The following TAF3 variants were observed in gnomAD, a reference collection of about 807,000 sequenced individuals.
TAF3 encodes transcription initiation factor TFIID subunit 3.
TAF3 carries 7 observed loss-of-function variants against 80.6 expected under a neutral mutation model. The observed-to-expected ratio is 0.09, with a 90% CI of 0.05 to 0.16. The LOEUF is 0.16. Ranked by LOEUF, TAF3 falls within the 10% of genes least tolerant of loss-of-function variation. The pLI, the probability that TAF3 is intolerant of heterozygous loss-of-function variation, is 1.00. For missense variants in TAF3, 921 were observed against 1,140.2 expected (o/e 0.81, Z 2.77); for synonymous variants, 444 against 446.1 (o/e 1.00, Z 0.06).
At chr10:7,968,827 A>G (rs1831596776) in intron 3 of TAF3, among the ~76,000 whole-genome samples, 1 of 152,232 alleles carries the variant, frequency 6.6e-6, no homozygotes, top group South Asian at 2.1e-4. Flanking sequence ...AAATGGGATA[A>G]GTGAAATCAC....
chr10:7,857,356 G>C (rs1837091354), intron 2 of TAF3, among the ~76,000 whole-genome samples: 2 of 152,214 alleles, frequency 1.3e-5, no homozygotes, highest in South Asian at 4.1e-4. Flanking sequence ...TATCCGATTA[G>C]CAAGTTAGAG....
At chr10:7,915,512 G>C (rs981023874) in intron 2 of TAF3, among the ~76,000 whole-genome samples, 29 of 151,392 alleles carry the variant, frequency 1.9e-4, no homozygotes, top group African/African-American at 6.8e-4. Context: ...GCATGGTGGT[G>C]CGCGCCCGTA....
intron 2 of TAF3, among the ~76,000 whole-genome samples, chr10:7,913,216 C>T (rs776915081): frequency 6.6e-6 from 1 of 152,186 alleles, no homozygotes; most frequent in East Asian, 1.9e-4. Flanking sequence ...TGTCTACATA[C>T]AGGCACACAG....
chr10:7,838,534 A>C (rs1193022059), intron 2 of TAF3, among the ~76,000 whole-genome samples: 1 of 152,066 alleles, frequency 6.6e-6, no homozygotes, highest in Non-Finnish European at 1.5e-5. Flanking sequence ...GGTGTGCACC[A>C]CCACGCCTGG....
At chr10:7,948,240 C>T (rs1420800089) in intron 2 of TAF3, among the ~76,000 whole-genome samples, 1 of 146,916 alleles carries the variant, frequency 6.8e-6, no homozygotes. Flanking sequence ...TTTTTTTTTT[C>T]TTTTCTTTTC....
chr10:7,964,603 C>A lies in TAF3; in HGVS notation c.1093C>A (p.Pro365Thr). The A allele has an allele frequency of 1.2e-6, 2 of 1,614,114 alleles. No homozygotes were observed. Among genetic ancestry groups the A allele is most frequent in the Non-Finnish European group, 8.5e-7 (1 of 1,180,032 alleles). ...TATCCAGGTAAAACAAATACAGACA[C>A]CCCCTGATGCTGGGAAACTGAACAG... ...ETIQVKQIQT[P>T]PDAGKLNSEN... The change falls in exon 3 of 7, where the codon CCC becomes ACC. Residue 365 changes from proline to threonine, a missense_variant. Around this residue, in one of 6 missense-constraint regions of TAF3, gnomAD observed 743 missense variants for 821.0 expected, o/e 0.90. Transcript: ENST00000344293. The surrounding 1 kb of genome is among the most constrained non-coding windows in gnomAD (Gnocchi z 4.1).
intron 3 of TAF3, among the ~76,000 whole-genome samples, chr10:7,968,681 A>G (rs1365936514): frequency 6.6e-6 from 1 of 152,212 alleles, no homozygotes; most frequent in African/African-American, 2.4e-5. Context: ...ATGAGAAACT[A>G]AGGCTTAGAG....
chr10:7,824,286 A>G (rs1313518651), intron 1 of TAF3, 32 bp from the exon 2 acceptor site: 8 of 1,576,724 alleles, frequency 5.1e-6, no homozygotes, highest in Non-Finnish European at 6.9e-6. Flanking sequence ...GATTTCTTCA[A>G]ATAATTTGAT....
intron 2 of TAF3, among the ~76,000 whole-genome samples, chr10:7,847,813 G>C (rs1836986622): frequency 6.6e-6 from 1 of 151,938 alleles, no homozygotes; most frequent in South Asian, 2.1e-4. Context: ...TGTCTTCCAG[G>C]CTGGAGTGCA....
At position 7,823,688 on chromosome 10, in the gene TAF3, G is replaced by A. The variant is rs549168362; in HGVS notation, c.167-630G>A. On this transcript the variant is annotated intron_variant, in intron 1 of 6. Coordinates refer to ENST00000344293, the MANE Select transcript of TAF3 (RefSeq NM_031923.4). ...CTTGCTCTGTTGCCCAGGCTAGAGT[G>A]TAGTGGCACGATCTCGGCTCACTGC... Among the ~76,000 whole-genome samples, 303 of 147,658 alleles carry A rather than the reference G, an allele frequency of 2.1e-3. 1 individual carries two copies. Among genetic ancestry groups the A allele is most frequent in the Middle Eastern group, 0.014 (4 of 280 alleles).
At chr10:7,853,289 A>G (rs1445311985) in intron 2 of TAF3, among the ~76,000 whole-genome samples, 2 of 152,212 alleles carry the variant, frequency 1.3e-5, no homozygotes, top group Non-Finnish European at 1.5e-5. Flanking sequence ...AAAATACTAT[A>G]TAACTGTGCC....
At position 7,974,334 on chromosome 10, in the gene TAF3, G is replaced by T. The variant is rs531532425; in HGVS notation, c.2233-2907G>T. 1.4e-4 allele frequency among the ~76,000 whole-genome samples: 21 copies of T among 152,222 alleles called. No homozygotes were observed. In the South Asian group the frequency reaches 4.2e-3, roughly 30 times the overall value. On this transcript the variant is annotated intron_variant, in intron 3 of 6. Transcript: ENST00000344293. ...GTGATGTTGGCTAGGGGGAAGGGGC[G>T]GTTTGTGGGCAAGTTGATACGTTAA...
intron 4 of TAF3, among the ~76,000 whole-genome samples, chr10:8,002,627 T>G (rs1417658935): frequency 6.6e-6 from 1 of 152,218 alleles, no homozygotes; most frequent in African/African-American, 2.4e-5. Context: ...TCTTTCATTG[T>G]TCAGTATATT....
intron 2 of TAF3, among the ~76,000 whole-genome samples, chr10:7,869,464 C>T (rs1414945116): frequency 6.6e-6 from 1 of 152,316 alleles, no homozygotes; most frequent in Admixed American, 6.5e-5. Context: ...TTAACTTATC[C>T]TCATGGGAGC....
At position 7,888,441 on chromosome 10, in the gene TAF3, T is replaced by C. The variant is rs114872435; in HGVS notation, c.409+63881T>C. ...GATACATTAATTCATTTACTTTTGA[T>C]ACATTTAAACATTGACACCCCTTAA... is the stretch of plus-strand genomic sequence containing the variant. On this transcript the variant is annotated intron_variant, in intron 2 of 6. Coordinates refer to ENST00000344293, the MANE Select transcript of TAF3 (RefSeq NM_031923.4). Among the ~76,000 whole-genome samples the C allele has an allele frequency of 4.4e-3, 673 of 152,346 alleles. 6 individuals are homozygous for C. Among genetic ancestry groups the C allele is most frequent in the African/African-American group, 0.016 (649 of 41,572 alleles).
chr10:7,883,043 C>T (rs1837376621), intron 2 of TAF3, among the ~76,000 whole-genome samples: 1 of 152,134 alleles, frequency 6.6e-6, no homozygotes, highest in Admixed American at 6.5e-5. Flanking sequence ...TGTAACAGAA[C>T]AGTTATCAAA....
intron 2 of TAF3, among the ~76,000 whole-genome samples, chr10:7,885,876 G>T (rs982285288): frequency 6.6e-6 from 1 of 152,056 alleles, no homozygotes; most frequent in African/African-American, 2.4e-5. Flanking sequence ...CCTGTTTTTA[G>T]GGTTTTAAGT....
At chr10:7,848,220 A>C (rs1218504789) in intron 2 of TAF3, among the ~76,000 whole-genome samples, 1 of 152,192 alleles carries the variant, frequency 6.6e-6, no homozygotes, top group Non-Finnish European at 1.5e-5. Flanking sequence ...TAAAGTAAAA[A>C]ATATTTCTCA....
At position 8,009,059 on chromosome 10, in the gene TAF3, TCTC is replaced by T. The variant is rs1180352484; in HGVS notation, c.2316-18_2316-16del. The T allele has an allele frequency of 6.3e-7, 1 of 1,592,788 alleles. No homozygotes were observed. The highest frequency in any genetic ancestry group is 1.1e-5 in the South Asian group (1 of 90,946). ...GATGATCCTGTTTTGACTTTTACCT[TCTC>T]TTCTTTTGTTGACAGTGTCATCAGC... On this transcript the variant is annotated splice_polypyrimidine_tract_variant and intron_variant, in intron 4 of 6. Transcript: ENST00000344293. This position sits in a 1 kb window ranked among gnomAD's most constrained non-coding sequence, Gnocchi z 4.1.
Sources: allele counts gnomAD v4.1 joint callset (sites outside exome capture counted in the v4.1 genomes callset), GRCh38; gene constraint gnomAD v4.1.1; regional missense constraint gnomAD v4.1.1; non-coding constraint Gnocchi (gnomAD v3.1); transcripts MANE v1.5; gene names NCBI Gene and HGNC (gene_info 2026-07-23, HGNC 2026-07-21).